Variants in STK32B observed in about 807,000 individuals in gnomAD.
STK32B encodes the protein serine/threonine kinase 32B.
STK32B carries 43 observed loss-of-function variants against 52.6 expected under a neutral mutation model. That is an observed-to-expected ratio of 0.82 (90% CI 0.64 to 1.05). The LOEUF is 1.05. STK32B is among the 50% of genes least tolerant of loss of function. STK32B has a pLI of 0.00. For synonymous variants in STK32B, 238 were observed against 204.3 expected (o/e 1.17, Z -1.41); for missense variants, 621 against 534.6 (o/e 1.16, Z -1.59).
At position 5,499,312 on chromosome 4, in the gene STK32B, C is replaced by G. The variant is rs1225809181; in HGVS notation, c.*229C>G. On this transcript the variant is annotated 3_prime_UTR_variant, in exon 12 of 12. Coordinates refer to ENST00000282908, the MANE Select transcript of STK32B (RefSeq NM_018401.3). The stretch of plus-strand genomic sequence containing the variant: ...CTGTGCCTCCGTTTTCTGCATCTGC[C>G]AAAGGGGTTAAACACTTCTGCCCCA... 1 of 463,484 alleles carries G rather than the reference C, an allele frequency of 2.2e-6. No individual in the cohort carries two copies. Among genetic ancestry groups the G allele is most frequent in the Non-Finnish European group, 3.6e-6 (1 of 277,676 alleles). The allele number at this position is 463,484 out of a possible 1,614,324, so 28.7% of individuals were successfully genotyped here.
intron 1 of STK32B, among the ~76,000 whole-genome samples, chr4:5,056,531 A>G (rs1449186321): frequency 6.6e-6 from 1 of 152,218 alleles, no homozygotes; most frequent in Non-Finnish European, 1.5e-5. Context: ...AATATCAAGA[A>G]TCTTCATTCC....
chr4:5,113,979 G>A (rs1714566819), intron 1 of STK32B, among the ~76,000 whole-genome samples: 2 of 152,042 alleles, frequency 1.3e-5, no homozygotes, highest in South Asian at 4.1e-4. Context: ...CACGAGAATA[G>A]CATGAGAAAG....
chr4:5,242,468 T>C (rs1436596151), intron 3 of STK32B, among the ~76,000 whole-genome samples: 2 of 152,208 alleles, frequency 1.3e-5, no homozygotes, highest in Non-Finnish European at 2.9e-5. Flanking sequence ...TTGTAGATTC[T>C]GGATATTAGC....
intron 1 of STK32B, among the ~76,000 whole-genome samples, chr4:5,072,185 A>G (rs191466362): frequency 4.1e-4 from 63 of 152,308 alleles, no homozygotes; most frequent in Admixed American, 1.2e-3. Flanking sequence ...CCACTAGTAT[A>G]TTCTACACTG....
At chr4:5,111,337 T>C (rs1481360860) in intron 1 of STK32B, among the ~76,000 whole-genome samples, 5 of 152,140 alleles carry the variant, frequency 3.3e-5, no homozygotes, top group Non-Finnish European at 5.9e-5. Context: ...ACACTATTTA[T>C]AATAGCAGAG....
intron 3 of STK32B, among the ~76,000 whole-genome samples, chr4:5,302,645 AGT>A (rs1205410609): frequency 1.3e-5 from 2 of 151,940 alleles, no homozygotes; most frequent in East Asian, 3.9e-4. Flanking sequence ...GGAAACAGTT[AGT>A]GTTTGCTTAG....
At chr4:5,134,733 G>A (rs906923304) in intron 1 of STK32B, among the ~76,000 whole-genome samples, 1 of 152,230 alleles carries the variant, frequency 6.6e-6, no homozygotes, top group African/African-American at 2.4e-5. Context: ...AACTCTGCAA[G>A]GAATGAGCCG....
chr4:5,378,863 C>T lies in STK32B; in HGVS notation c.435-19344C>T, dbSNP rs771105493. 1.8e-4 allele frequency among the ~76,000 whole-genome samples: 27 copies of T among 152,118 alleles called. No homozygotes were observed. The highest frequency in any genetic ancestry group is 3.4e-4 in the Non-Finnish European group (23 of 68,022). ...CTGACTGGGGCTTGTGATCCTGGCA[C>T]GCTGCTGCCATCCTTGCAGCATTAA... On this transcript the variant is annotated intron_variant, in intron 4 of 11. Coordinates refer to ENST00000282908, the MANE Select transcript of STK32B (RefSeq NM_018401.3). This position sits in a 1 kb window ranked among gnomAD's most constrained non-coding sequence, Gnocchi z 4.4.
At chr4:5,446,828 A>G in intron 7 of STK32B, 52 bp downstream of exon 7, 3 of 1,578,854 alleles carry the variant, frequency 1.9e-6, no homozygotes, top group South Asian at 1.1e-5. Context: ...GTGGGGGCTC[A>G]CGTTGTACCT....
At chr4:5,458,317 G>T (rs370521362) in intron 8 of STK32B, among the ~76,000 whole-genome samples, 29 of 152,294 alleles carry the variant, frequency 1.9e-4, no homozygotes, top group African/African-American at 7.0e-4. Context: ...TTGGCACCCA[G>T]TTGTTTTTAA....
At chr4:5,296,178 C>T (rs1729184892) in intron 3 of STK32B, among the ~76,000 whole-genome samples, 1 of 152,078 alleles carries the variant, frequency 6.6e-6, no homozygotes, top group African/African-American at 2.4e-5. Flanking sequence ...TGTTTTGCTT[C>T]CAATTATGTG....
chr4:5,446,764 G>A lies in STK32B; in HGVS notation c.654G>A (p.Leu218=). ...CCCTGGGCATCACAGCCTATGAGCTGCTGCGGGGCTGGGTAAGACAGGCAC... is the reference window on the plus strand; with the variant it reads ...CCCTGGGCATCACAGCCTATGAGCTACTGCGGGGCTGGGTAAGACAGGCAC... ...WWSLGITAYE[L]LRGWRPYEIH... Residue 218 remains leucine, a synonymous_variant, in exon 7 of 12, where the codon CTG becomes CTA. Coordinates refer to ENST00000282908, the MANE Select transcript of STK32B (RefSeq NM_018401.3). 2 of 1,614,022 alleles carry A rather than the reference G, an allele frequency of 1.2e-6. 1 individual carries two copies. The highest frequency in any genetic ancestry group is 2.2e-5 in the South Asian group (2 of 91,076).
At chr4:5,376,711 GTCAGACTTCGTGTCCAC>G (rs1296928804) in intron 4 of STK32B, among the ~76,000 whole-genome samples, 12 of 152,238 alleles carry the variant, frequency 7.9e-5, no homozygotes, top group African/African-American at 2.9e-4. Context: ...CAGGTCGTTG[GTCAGACTTCGTGTCCAC>G]ACCTCCACCC....
chr4:5,104,507 A>C (rs1438495831), intron 1 of STK32B, among the ~76,000 whole-genome samples: 1 of 152,272 alleles, frequency 6.6e-6, no homozygotes, highest in Non-Finnish European at 1.5e-5. Context: ...TTCATAAAAC[A>C]TTGTGAATGG....
At chr4:5,290,741 A>G (rs1728848354) in intron 3 of STK32B, among the ~76,000 whole-genome samples, 1 of 141,526 alleles carries the variant, frequency 7.1e-6, no homozygotes, top group Non-Finnish European at 1.5e-5. Flanking sequence ...ATAAAACAGC[A>G]TTGAAAAACT....
In STK32B at chr4:5,470,717, G is replaced by A. The variant is rs754473110; in HGVS notation, c.1106+2647G>A. On this transcript the variant is annotated intron_variant, in intron 11 of 11. Coordinates refer to ENST00000282908, the MANE Select transcript of STK32B (RefSeq NM_018401.3). The surrounding 1 kb of genome is among the most constrained non-coding windows in gnomAD (Gnocchi z 4.6). The stretch of plus-strand genomic sequence containing the variant: ...TCTCAGCAGTAAAAAAAATGCCTAT[G>A]AGAAGTTGATTCATGACTCATGATT... 6.6e-6 allele frequency among the ~76,000 whole-genome samples: 1 copy of A among 152,184 alleles called. No homozygotes were observed. Among genetic ancestry groups the A allele is most frequent in the Non-Finnish European group, 1.5e-5 (1 of 68,044 alleles).
intron 6 of STK32B, chr4:5,436,746 G>T: frequency 4.3e-6 from 4 of 921,352 alleles, no homozygotes; most frequent in Non-Finnish European, 5.2e-6. Flanking sequence ...GAACCTAGGA[G>T]TCAGGACCAA....
chr4:5,479,123 G>GTTTTTTTT (rs5855856), intron 11 of STK32B, among the ~76,000 whole-genome samples: 1 of 139,402 alleles, frequency 7.2e-6, no homozygotes, highest in East Asian at 2.1e-4. Flanking sequence ...TTTTGTTTTT[G>GTTTTTTTT]TTTTTTTTTT....
chr4:5,435,514 A>G (rs1713983598), intron 6 of STK32B, among the ~76,000 whole-genome samples: 1 of 152,162 alleles, frequency 6.6e-6, no homozygotes, highest in Admixed American at 6.5e-5. Context: ...ATGAATCAGT[A>G]CTCTTAAAAC....
Sources: gnomAD v4.1 joint callset for allele counts (sites outside exome capture counted in the v4.1 genomes callset) on GRCh38, gnomAD v4.1.1 for gene constraint, Gnocchi (gnomAD v3.1) non-coding constraint, MANE v1.5 for transcripts, NCBI Gene and HGNC (gene_info 2026-07-23, HGNC 2026-07-21) for gene names.